Variants in CEP170 observed in about 807,000 individuals in gnomAD.
CEP170 encodes the protein centrosomal protein of 170 kDa.
CEP170 carries 21 observed loss-of-function variants against 151.9 expected under a neutral mutation model. The observed-to-expected ratio is 0.14, with a 90% CI of 0.10 to 0.20. The LOEUF (loss-of-function observed/expected upper bound fraction) is 0.20. Ranked by LOEUF, CEP170 falls within the 10% of genes least tolerant of loss-of-function variation. CEP170 has a pLI of 1.00. For missense variants in CEP170, 964 were observed against 1,892.9 expected (o/e 0.51, Z 9.11); for synonymous variants, 356 against 648.8 (o/e 0.55, Z 6.86).
At chr1:243,244,031 T>C (rs1389066912) in intron 1 of CEP170, among the ~76,000 whole-genome samples, 1 of 152,210 alleles carries the variant, frequency 6.6e-6, no homozygotes, top group Non-Finnish European at 1.5e-5. Flanking sequence ...TGGAAAATAT[T>C]TCAGTAGTAC....
intron 1 of CEP170, among the ~76,000 whole-genome samples, chr1:243,242,049 G>T (rs936629737): frequency 6.6e-6 from 1 of 152,058 alleles, no homozygotes; most frequent in Non-Finnish European, 1.5e-5. Flanking sequence ...AGAAATCCTA[G>T]TGGTAAAAAC....
chr1:243,251,522 T>G (rs1335473806), intron 1 of CEP170, among the ~76,000 whole-genome samples: 2 of 152,184 alleles, frequency 1.3e-5, no homozygotes, highest in Admixed American at 6.5e-5. Flanking sequence ...AGAAGTTTGT[T>G]GCAGAAATTA....
chr1:243,175,354 C>G (rs2148643814), intron 10 of CEP170, among the ~76,000 whole-genome samples: 1 of 152,306 alleles, frequency 6.6e-6, no homozygotes, highest in Admixed American at 6.5e-5. Flanking sequence ...GTGGTAGGGC[C>G]TGACCTACTA....
intron 12 of CEP170, among the ~76,000 whole-genome samples, chr1:243,167,645 CT>C (rs1225497330): frequency 6.6e-6 from 1 of 150,772 alleles, no homozygotes; most frequent in East Asian, 2.0e-4. Flanking sequence ...TTCTGTGGGT[CT>C]TTTTTTTCCT....
rs1270916856 is a variant in CEP170 at position 243,164,294 on chromosome 1, G to C, written c.3666C>G (p.Gly1222=). ...SKVKSMTSAH[G]SASVNSRWRR... ...CTGGATCCAATTTACCTGAAGCAGA[G>C]CCATGAGCTGAGGTCATACTTTTGA... The change falls in exon 13 of 20, where the codon GGC becomes GGG. Residue 1222 remains glycine, a synonymous_variant. Transcript: ENST00000366542. 1.0e-5 allele frequency: 15 copies of C among 1,504,180 alleles called. No homozygotes were observed. The East Asian group carries it at 3.2e-4, about 32-fold the overall frequency. 93.2% of individuals were successfully genotyped at this position (1,504,180 alleles called of 1,614,324 possible).
At chr1:243,221,607 G>C in intron 3 of CEP170, 117 bp downstream of exon 3, 1 of 1,049,990 alleles carries the variant, frequency 9.5e-7, no homozygotes, top group Non-Finnish European at 1.4e-6. Context: ...ATAAGCATTT[G>C]AAAATAACAT....
At chr1:243,148,433 G>T (rs1443580674) in intron 14 of CEP170, among the ~76,000 whole-genome samples, 2 of 151,934 alleles carry the variant, frequency 1.3e-5, no homozygotes, top group Non-Finnish European at 2.9e-5. Flanking sequence ...AATTAGCAAG[G>T]CATGGTGGTG....
At chr1:243,175,045 T>C (rs999971938) in intron 10 of CEP170, 14 of 152,258 alleles carry the variant, frequency 9.2e-5, no homozygotes, top group Non-Finnish European at 1.8e-4. Flanking sequence ...CTTTGACATG[T>C]AATTTAGAAA....
intron 7 of CEP170, among the ~76,000 whole-genome samples, chr1:243,196,520 T>C (rs2060657651): frequency 2.0e-5 from 3 of 152,124 alleles, no homozygotes; most frequent in Admixed American, 1.3e-4. Context: ...AAAAATTACA[T>C]ATACACTTCA....
chr1:243,222,513 T>C (rs1274241093), intron 2 of CEP170, among the ~76,000 whole-genome samples: 1 of 152,178 alleles, frequency 6.6e-6, no homozygotes, highest in Non-Finnish European at 1.5e-5. Flanking sequence ...CCTGTGGAAA[T>C]TGGTATTGAA....
At chr1:243,136,324 G>A in intron 16 of CEP170, 93 bp from the exon 17 acceptor site, 1 of 847,048 alleles carries the variant, frequency 1.2e-6, no homozygotes, top group East Asian at 2.7e-5. Context: ...TATAGTTAGG[G>A]GCAGTTAGTA....
chr1:243,130,714 A>C (rs1341313152), intron 17 of CEP170, among the ~76,000 whole-genome samples: 10 of 151,600 alleles, frequency 6.6e-5, no homozygotes, highest in Admixed American at 1.3e-4. Context: ...TATTTCTTCA[A>C]AGATCAACAT....
intron 1 of CEP170, among the ~76,000 whole-genome samples, chr1:243,242,513 C>T (rs149275585): frequency 4.3e-4 from 66 of 152,210 alleles, no homozygotes; most frequent in South Asian, 1.5e-3. Context: ...CCACCACGCC[C>T]GGCCAATGAG....
chr1:243,217,180 G>A (rs7528764), intron 3 of CEP170, among the ~76,000 whole-genome samples: 49,001 of 152,036 alleles, frequency 0.32, 8,184 homozygotes, highest in South Asian at 0.54. Flanking sequence ...TGGTACCACT[G>A]CCGTGTATGT....
chr1:243,143,415 C>A (rs1341763603), intron 14 of CEP170, among the ~76,000 whole-genome samples: 1 of 151,912 alleles, frequency 6.6e-6, no homozygotes, highest in Admixed American at 6.6e-5. Context: ...TCCATAAAGC[C>A]ATTTGCATTT....
intron 4 of CEP170, among the ~76,000 whole-genome samples, chr1:243,205,667 G>A (rs944383102): frequency 1.8e-4 from 27 of 152,260 alleles, no homozygotes; most frequent in African/African-American, 6.0e-4. Flanking sequence ...CAAGTAACTT[G>A]TATTCCAGAA....
intron 14 of CEP170, among the ~76,000 whole-genome samples, chr1:243,146,139 G>A (rs1208364934): frequency 1.3e-5 from 2 of 152,226 alleles, no homozygotes; most frequent in African/African-American, 4.8e-5. Flanking sequence ...ATGTAAAGGT[G>A]TAAGAATGAT....
At chr1:243,212,747 T>A (rs1237140852) in intron 3 of CEP170, among the ~76,000 whole-genome samples, 1 of 152,138 alleles carries the variant, frequency 6.6e-6, no homozygotes, top group Non-Finnish European at 1.5e-5. Context: ...CACTGCAGCC[T>A]TGATTTCCTG....
chr1:243,205,857 T>C lies in CEP170; in HGVS notation c.275-5022A>G, dbSNP rs186599230. Among the ~76,000 whole-genome samples the C allele has an allele frequency of 2.8e-4, 42 of 150,584 alleles. No homozygotes were observed. In the South Asian group the frequency reaches 3.1e-3, roughly 11 times the overall value. On this transcript the variant is annotated intron_variant, in intron 4 of 19. Transcript: ENST00000366542. The stretch of plus-strand genomic sequence containing the variant: ...TAATGGAGATTTTTTCCAAATTGGA[T>C]TGAAACTATAAAGCCACAGGATTTT...
Sources: allele counts gnomAD v4.1 joint callset (sites outside exome capture counted in the v4.1 genomes callset), GRCh38; gene constraint gnomAD v4.1.1; transcripts MANE v1.5; gene names NCBI Gene and HGNC (gene_info 2026-07-23, HGNC 2026-07-21).